The following DOCK9 variants were observed in gnomAD, a reference collection of about 807,000 sequenced individuals.
DOCK9 encodes the protein dedicator of cytokinesis protein 9.
Under a neutral mutation model 263.3 loss-of-function variants are expected in DOCK9, and 89 were observed. The observed-to-expected ratio is 0.34, with a 90% CI of 0.28 to 0.40. The LOEUF (loss-of-function observed/expected upper bound fraction) is 0.40, where lower values mean the gene tolerates loss of function less well. DOCK9 is among the 10% of genes least tolerant of loss of function. The pLI is 1.00. For synonymous variants in DOCK9, 976 were observed against 973.1 expected, an observed-to-expected ratio of 1.00 and a Z score of -0.06; for missense variants, 2,140 against 2,603.4, an observed-to-expected ratio of 0.82 and a Z score of 3.87.
At chr13:98,929,188 C>T (rs1279282717) in intron 3 of DOCK9, among the ~76,000 whole-genome samples, 1 of 152,002 alleles carries the variant, frequency 6.6e-6, no homozygotes, top group Non-Finnish European at 1.5e-5. Context: ...CTAAAATTAC[C>T]TGGAGGAAAA....
At position 98,794,669 on chromosome 13, in the gene DOCK9, C is replaced by A. The variant is rs1187226754; in HGVS notation, c.6236G>T (p.Ser2079Ile). Residue 2079 changes from serine to isoleucine, a missense_variant, in exon 53 of 53, where the codon AGC becomes ATC. By Grantham distance (142) the Ser-to-Ile change is moderately radical. Coordinates refer to ENST00000682017, the MANE Select transcript of DOCK9 (RefSeq NM_001366683.2). The part of the protein sequence containing the change: ...IFNAISGTPT[S>I]TMVHGMTSSS... Reference sequence around the variant, plus strand: ...GCTGGTCATCCCGTGAACCATTGTGCTTGTTGGAGTCCCACTGATGGCGTT... The same window carrying A: ...GCTGGTCATCCCGTGAACCATTGTGATTGTTGGAGTCCCACTGATGGCGTT... 1 of 1,613,542 alleles carries A rather than the reference C, an allele frequency of 6.2e-7. No homozygotes were observed. Among genetic ancestry groups the A allele is most frequent in the Non-Finnish European group, 8.5e-7 (1 of 1,179,718 alleles).
chr13:98,919,668 G>A lies in DOCK9; in HGVS notation c.717+1286C>T, dbSNP rs9513510. The stretch of plus-strand genomic sequence containing the variant: ...GTTCATCAACCACAGAGCCTTCTGT[G>A]TGAGGGGAACCCTGAGAAAAATGCC... On this transcript the variant is annotated intron_variant, in intron 7 of 52. Coordinates refer to ENST00000682017, the MANE Select transcript of DOCK9 (RefSeq NM_001366683.2). Among the ~76,000 whole-genome samples the A allele has an allele frequency of 3.3e-5, 5 of 152,140 alleles. No homozygotes were observed. In the East Asian group the frequency reaches 7.7e-4, roughly 24 times the overall value.
chr13:98,896,497 A>G (rs573307294), intron 15 of DOCK9, among the ~76,000 whole-genome samples: 1 of 152,228 alleles, frequency 6.6e-6, no homozygotes, highest in South Asian at 2.1e-4. Flanking sequence ...CACAAAAAAA[A>G]AAAAAAACAA....
At chr13:99,000,616 C>T (rs972714212) in intron 1 of DOCK9, among the ~76,000 whole-genome samples, 1 of 152,126 alleles carries the variant, frequency 6.6e-6, no homozygotes, top group Non-Finnish European at 1.5e-5. Context: ...TCTCCTCACT[C>T]GAAATAAAAA....
chr13:98,892,999 A>G (rs1486435265), intron 15 of DOCK9, among the ~76,000 whole-genome samples: 1 of 152,184 alleles, frequency 6.6e-6, no homozygotes. Flanking sequence ...AGATGAGTAG[A>G]GTTCCCTGAG....
intron 1 of DOCK9, among the ~76,000 whole-genome samples, chr13:99,006,208 G>A (rs1676942379): frequency 6.6e-6 from 1 of 152,150 alleles, no homozygotes; most frequent in Non-Finnish European, 1.5e-5. Context: ...TCTCAAACTG[G>A]CAAAAATGAT....
At position 98,923,422 on chromosome 13, in the gene DOCK9, A is replaced by G; in HGVS notation, c.417-51T>C. ...TTTTAGAAATGCCTAGTCAAGGAAG[A>G]GGCTTTGCATTTCTTCCTCCATCAT... On this transcript the variant is annotated intron_variant, in intron 4 of 52. Coordinates refer to ENST00000682017, the MANE Select transcript of DOCK9 (RefSeq NM_001366683.2). 3 of 1,496,738 alleles carry G rather than the reference A, an allele frequency of 2.0e-6. No individual in the cohort carries two copies. In the South Asian group the frequency reaches 3.4e-5, roughly 17 times the overall value. The allele number at this position is 1,496,738 out of a possible 1,614,324, so 92.7% of individuals were successfully genotyped here.
intron 45 of DOCK9, among the ~76,000 whole-genome samples, chr13:98,812,826 AAAAGT>A (rs1267916390): frequency 1.3e-5 from 2 of 152,230 alleles, no homozygotes; most frequent in African/African-American, 2.4e-5. Context: ...CCATTAAGTC[AAAAGT>A]AAATTATAGT....
intron 2 of DOCK9, among the ~76,000 whole-genome samples, chr13:98,951,015 C>T (rs1391332500): frequency 2.0e-5 from 3 of 152,164 alleles, no homozygotes; most frequent in African/African-American, 2.4e-5. Context: ...ATGTCTTAAG[C>T]GACAAGTCAA....
intron 7 of DOCK9, among the ~76,000 whole-genome samples, chr13:98,918,593 G>A (rs549247964): frequency 2.0e-5 from 3 of 152,284 alleles, no homozygotes; most frequent in Non-Finnish European, 4.4e-5. Flanking sequence ...CCAAACGACA[G>A]TGGAAACTAG....
At chr13:99,065,780 ATCT>A (rs1209807908) in intron 1 of DOCK9, among the ~76,000 whole-genome samples, 3 of 152,152 alleles carry the variant, frequency 2.0e-5, no homozygotes, top group Non-Finnish European at 4.4e-5. Context: ...TCATTTTGCA[ATCT>A]TCTCTCTCCT....
At position 98,825,968 on chromosome 13, in the gene DOCK9, TA is replaced by T. The variant is rs1172196278; in HGVS notation, c.5023+861del. 8.7e-6 allele frequency: 13 copies of T among 1,492,002 alleles called. No homozygotes were observed. The highest frequency in any genetic ancestry group is 5.5e-5 in the South Asian group (4 of 72,340). The allele number at this position is 1,492,002 out of a possible 1,614,324, so 92.4% of individuals were successfully genotyped here. A position where few individuals can be genotyped will look rare whatever the true frequency, so the allele number is the denominator to read the frequency against. ...AAACATGAGGAAATGCATCACCTGA[TA>T]AAAGGTCTCAACAGGAAATAGTACC... On this transcript the variant is annotated intron_variant, in intron 44 of 52. Transcript: ENST00000682017. The surrounding 1 kb of genome is among the most constrained non-coding windows in gnomAD (Gnocchi z 4.1).
At chr13:98,808,694 C>A (rs1215578840) in intron 47 of DOCK9, 1 of 1,533,200 alleles carries the variant, frequency 6.5e-7, no homozygotes, top group Non-Finnish European at 9.0e-7. Context: ...TTATAAAAGA[C>A]AATAACAGAA....
chr13:99,041,409 G>A (rs1461111431), intron 1 of DOCK9, among the ~76,000 whole-genome samples: 4 of 152,032 alleles, frequency 2.6e-5, no homozygotes. Flanking sequence ...CTTGAGCCCT[G>A]GAGGTCGAGG....
intron 1 of DOCK9, among the ~76,000 whole-genome samples, chr13:98,977,160 C>G (rs1874990360): frequency 6.6e-6 from 1 of 152,188 alleles, no homozygotes; most frequent in Non-Finnish European, 1.5e-5. Flanking sequence ...TTCCTCCCCT[C>G]CAAAGTCCAC....
intron 11 of DOCK9, 143 bp from the exon 12 acceptor site, chr13:98,902,634 G>A: frequency 1.3e-6 from 1 of 767,628 alleles, no homozygotes; most frequent in East Asian, 2.7e-5. Flanking sequence ...TGCATACAGA[G>A]AATTAGCTTA....
chr13:98,934,042 C>A (rs1163933115), intron 2 of DOCK9, among the ~76,000 whole-genome samples: 1 of 152,040 alleles, frequency 6.6e-6, no homozygotes, highest in Non-Finnish European at 1.5e-5. Flanking sequence ...GGACCACAGG[C>A]ATGAGCCACC....
chr13:98,903,624 A>C (rs1276060985), intron 10 of DOCK9, among the ~76,000 whole-genome samples: 21 of 26,744 alleles, frequency 7.9e-4, no homozygotes, highest in African/African-American at 2.8e-3. Flanking sequence ...AAAAAAGACA[A>C]AAAAAAAAAG....
chr13:98,836,725 C>T (rs191619120), intron 39 of DOCK9, among the ~76,000 whole-genome samples: 55 of 148,598 alleles, frequency 3.7e-4, no homozygotes, highest in African/African-American at 1.3e-3. Context: ...GACACGATGT[C>T]AGGAAAACTC....
Sources: gnomAD v4.1 joint callset for allele counts (sites outside exome capture counted in the v4.1 genomes callset) on GRCh38, gnomAD v4.1.1 for gene constraint, Gnocchi (gnomAD v3.1) non-coding constraint, MANE v1.5 for transcripts, NCBI Gene and HGNC (gene_info 2026-07-23, HGNC 2026-07-21) for gene names.